The following ZDHHC14 variants were observed in gnomAD, a reference collection of about 807,000 sequenced individuals.
The protein encoded by ZDHHC14 is palmitoyltransferase ZDHHC14.
Under a neutral mutation model 47.7 loss-of-function variants are expected in ZDHHC14, and 16 were observed. That is an observed-to-expected ratio of 0.34 (90% CI 0.23 to 0.51). ZDHHC14 has a LOEUF of 0.51. Among genes scored for constraint, ZDHHC14 ranks in the 20% least tolerant of loss-of-function variants. The pLI, the probability that ZDHHC14 is intolerant of heterozygous loss-of-function variation, is 0.97. For missense variants in ZDHHC14, 515 were observed against 662.5 expected (o/e 0.78, Z 2.44); for synonymous variants, 293 against 278.9 (o/e 1.05, Z -0.50).
chr6:157,407,775 G>T (rs1777795899), intron 1 of ZDHHC14, among the ~76,000 whole-genome samples: 1 of 152,122 alleles, frequency 6.6e-6, no homozygotes. Context: ...ACTTCTTGTT[G>T]GCCTGTCCTC....
intron 1 of ZDHHC14, among the ~76,000 whole-genome samples, chr6:157,433,239 T>A (rs1308592962): frequency 6.6e-6 from 1 of 152,270 alleles, no homozygotes; most frequent in Non-Finnish European, 1.5e-5. Context: ...TGAATTAAGT[T>A]GGCTCTTATA....
At chr6:157,600,285 C>G (rs1784290950) in intron 3 of ZDHHC14, among the ~76,000 whole-genome samples, 1 of 152,106 alleles carries the variant, frequency 6.6e-6, no homozygotes. Flanking sequence ...AAGAATTAGT[C>G]ATGACATGGA....
At chr6:157,561,085 G>A (rs190500409) in intron 2 of ZDHHC14, among the ~76,000 whole-genome samples, 16 of 152,374 alleles carry the variant, frequency 1.1e-4, no homozygotes, top group East Asian at 3.9e-4. Flanking sequence ...TCCTCAGAGC[G>A]TGGGGGTGTT....
intron 8 of ZDHHC14, among the ~76,000 whole-genome samples, chr6:157,664,038 T>G (rs1778450528): frequency 6.6e-6 from 1 of 152,220 alleles, no homozygotes; most frequent in Non-Finnish European, 1.5e-5. Context: ...CAGGGGTGAC[T>G]GTGTGTAAAG....
chr6:157,434,944 G>A (rs1278785364), intron 1 of ZDHHC14, among the ~76,000 whole-genome samples: 1 of 152,190 alleles, frequency 6.6e-6, no homozygotes, highest in Non-Finnish European at 1.5e-5. Context: ...TGCCAGCAAA[G>A]CTTTTAGAGA....
chr6:157,584,495 T>C (rs1256085059), intron 2 of ZDHHC14, among the ~76,000 whole-genome samples: 1 of 152,234 alleles, frequency 6.6e-6, no homozygotes, highest in Non-Finnish European at 1.5e-5. Context: ...AACACATAGA[T>C]ATTTGATCCC....
chr6:157,415,630 T>G lies in ZDHHC14; in HGVS notation c.245+33364T>G, dbSNP rs532037729. Among the ~76,000 whole-genome samples, 19 of 152,276 alleles carry G rather than the reference T, an allele frequency of 1.2e-4. 1 individual carries two copies. The highest frequency in any genetic ancestry group is 1.2e-3 in the Admixed American group (19 of 15,288). On this transcript the variant is annotated intron_variant, in intron 1 of 8. Coordinates refer to ENST00000359775, the MANE Select transcript of ZDHHC14 (RefSeq NM_024630.3). ...TGACTTACACCTGTAATCCCAGCAC[T>G]TGGGGAGGCCAAGGTGGGCGGATCA...
chr6:157,509,780 A>T (rs1427621532), intron 1 of ZDHHC14, among the ~76,000 whole-genome samples: 1 of 152,238 alleles, frequency 6.6e-6, no homozygotes, highest in African/African-American at 2.4e-5. Flanking sequence ...TCTTTAAAAA[A>T]ATATAATGTT....
chr6:157,521,338 T>G (rs1780903699), intron 1 of ZDHHC14, among the ~76,000 whole-genome samples: 1 of 152,190 alleles, frequency 6.6e-6, no homozygotes, highest in Non-Finnish European at 1.5e-5. Context: ...GTGAGGGACT[T>G]GTGTGGTTTC....
intron 2 of ZDHHC14, among the ~76,000 whole-genome samples, chr6:157,585,475 T>G (rs1783658731): frequency 6.6e-6 from 1 of 150,946 alleles, no homozygotes; most frequent in Non-Finnish European, 1.5e-5. Context: ...CTCCCTCTGC[T>G]TCTCTCTTTG....
intron 3 of ZDHHC14, among the ~76,000 whole-genome samples, chr6:157,604,002 A>C (rs1207323965): frequency 6.6e-6 from 1 of 152,180 alleles, no homozygotes; most frequent in Non-Finnish European, 1.5e-5. Flanking sequence ...CTCGAATCAA[A>C]TATACTAAGA....
At chr6:157,482,644 C>G (rs1009655593) in intron 1 of ZDHHC14, among the ~76,000 whole-genome samples, 1 of 152,080 alleles carries the variant, frequency 6.6e-6, no homozygotes, top group African/African-American at 2.4e-5. Context: ...CTGTCCAGGC[C>G]CCAGCTTAAT....
chr6:157,547,933 A>G (rs1401256628), intron 2 of ZDHHC14, among the ~76,000 whole-genome samples: 1 of 150,936 alleles, frequency 6.6e-6, no homozygotes, highest in East Asian at 1.9e-4. Flanking sequence ...GTCAATATTC[A>G]CCATAAAATG....
chr6:157,622,381 G>A (rs1055412354), intron 3 of ZDHHC14, among the ~76,000 whole-genome samples: 2 of 152,052 alleles, frequency 1.3e-5, no homozygotes, highest in South Asian at 2.1e-4. Flanking sequence ...ACAGAGCAAG[G>A]CTCCATTTCA....
At chr6:157,667,510 A>G (rs1350646246) in intron 8 of ZDHHC14, among the ~76,000 whole-genome samples, 3 of 152,250 alleles carry the variant, frequency 2.0e-5, no homozygotes, top group East Asian at 1.9e-4. Context: ...AGAGAAATCA[A>G]TGGGGAAGAA....
At chr6:157,526,397 C>T (rs942209504) in intron 1 of ZDHHC14, among the ~76,000 whole-genome samples, 6 of 152,206 alleles carry the variant, frequency 3.9e-5, no homozygotes, top group Admixed American at 6.5e-5. Flanking sequence ...CACAACACCA[C>T]GACCCTCTTC....
chr6:157,445,946 C>T (rs1003331878), intron 1 of ZDHHC14, among the ~76,000 whole-genome samples: 1 of 152,210 alleles, frequency 6.6e-6, no homozygotes, highest in African/African-American at 2.4e-5. Flanking sequence ...ACAGATTGGA[C>T]TCGCTACATG....
At chr6:157,628,605 C>A in intron 4 of ZDHHC14, 119 bp downstream of exon 4, 1 of 1,312,042 alleles carries the variant, frequency 7.6e-7, no homozygotes, top group Non-Finnish European at 1.0e-6. Context: ...TTTCTTTCTC[C>A]CTTTCCCCTC....
intron 1 of ZDHHC14, among the ~76,000 whole-genome samples, chr6:157,435,476 T>C (rs950468073): frequency 3.9e-5 from 6 of 152,144 alleles, no homozygotes; most frequent in Admixed American, 3.9e-4. Flanking sequence ...TAATGGCAGT[T>C]TGTGGCATTA....
Sources: gnomAD v4.1 joint callset for allele counts (sites outside exome capture counted in the v4.1 genomes callset) on GRCh38, gnomAD v4.1.1 for gene constraint, MANE v1.5 for transcripts, NCBI Gene and HGNC (gene_info 2026-07-23, HGNC 2026-07-21) for gene names.